Variants in GEMIN4 observed in about 807,000 individuals in gnomAD.
GEMIN4 encodes the protein gem-associated protein 4.
A neutral mutation model predicts 76.8 loss-of-function variants in GEMIN4; 59 were observed. The ratio of observed to expected loss-of-function variants is 0.77; its 90% CI spans 0.62 to 0.95. The LOEUF (loss-of-function observed/expected upper bound fraction) is 0.95. Among genes scored for constraint, GEMIN4 ranks in the 40% least tolerant of loss-of-function variants. The pLI is 0.00. For missense variants in GEMIN4, 1,311 were observed against 1,318.9 expected, an observed-to-expected ratio of 0.99 and a Z score of 0.09; for synonymous variants, 562 against 559.7, an observed-to-expected ratio of 1.00 and a Z score of -0.06.
chr17:752,562 G>A, upstream of GEMIN4: 1 of 656,146 alleles, frequency 1.5e-6, no homozygotes, highest in Non-Finnish European at 2.0e-6. Context: ...CCACCACCCA[G>A]CGCGGCCGCA....
Position 746,964 on chromosome 17 carries a change from G to A in GEMIN4, c.1079C>T (p.Thr360Met), listed in dbSNP as rs771449444. ...DSLTSFSQNA[T>M]LYLNRTSLSK... ...CAGGCTGGTGCGGTTCAGGTAGAGCGTCGCGTTCTGGCTGAAGGAAGTCAG... is the reference window on the plus strand; with the variant it reads ...CAGGCTGGTGCGGTTCAGGTAGAGCATCGCGTTCTGGCTGAAGGAAGTCAG... The change falls in exon 2 of 2, where the codon ACG becomes ATG. Residue 360 changes from threonine to methionine, a missense_variant. This residue lies in a region of GEMIN4 where 1,208 missense variants were observed against 1,166.9 expected (regional missense o/e 1.04). Transcript: ENST00000319004. This position sits in a 1 kb window ranked among gnomAD's most constrained non-coding sequence, Gnocchi z 4.3. 6.2e-6 allele frequency: 10 copies of A among 1,613,202 alleles called. No individual in the cohort carries two copies. Among genetic ancestry groups the A allele is most frequent in the South Asian group, 2.2e-5 (2 of 91,082 alleles).
upstream of GEMIN4, chr17:754,132 T>C (rs968535739): frequency 2.0e-5 from 3 of 152,278 alleles, no homozygotes; most frequent in Admixed American, 1.3e-4. Context: ...TATTCTGTAC[T>C]TAACCCTGGT....
At position 745,646 on chromosome 17, in the gene GEMIN4, G is replaced by A. The variant is rs371532878; in HGVS notation, c.2397C>T (p.Asp799=). ...TLFEICKLSE[D]EWTSQAHPGY... ...CTGGGTGGGCCTGGGAGGTCCACTC[G>A]TCTTCTGAAAGCTTACAGATCTCAA... The change falls in exon 2 of 2, where the codon GAC becomes GAT. Residue 799 remains aspartate, a synonymous_variant. Coordinates refer to ENST00000319004, the MANE Select transcript of GEMIN4 (RefSeq NM_015721.3). The surrounding 1 kb of genome is among the most constrained non-coding windows in gnomAD (Gnocchi z 4.6). The A allele has an allele frequency of 3.8e-5, 61 of 1,599,228 alleles. No individual in the cohort carries two copies. Among genetic ancestry groups the A allele is most frequent in the East Asian group, 1.1e-4 (5 of 44,206 alleles).
chr17:745,045 G>A lies in GEMIN4; in HGVS notation c.2998C>T (p.Pro1000Ser), dbSNP rs563699075. ...GTTTCCAAGGCTAAAACGTAGAGTGGCTCACAGACCTCCGGGTGGAGCATG... is the reference window on the plus strand; with the variant it reads ...GTTTCCAAGGCTAAAACGTAGAGTGACTCACAGACCTCCGGGTGGAGCATG... The part of the protein sequence containing the change: ...MAMLHPEVCE[P>S]LYVLALETLT... The change falls in exon 2 of 2, where the codon CCA becomes TCA. Residue 1000 changes from proline to serine, a missense_variant. Around this residue, in one of 2 missense-constraint regions of GEMIN4, gnomAD observed 1,208 missense variants for 1,166.9 expected, o/e 1.04. Transcript: ENST00000319004. The surrounding 1 kb of genome is among the most constrained non-coding windows in gnomAD (Gnocchi z 4.6). 1 of 1,613,832 alleles carries A rather than the reference G, an allele frequency of 6.2e-7. No homozygotes were observed. Among genetic ancestry groups the A allele is most frequent in the South Asian group, 1.1e-5 (1 of 91,072 alleles).
chr17:746,738 G>GTAGCCAC lies in GEMIN4; in HGVS notation c.1304_1305insGTGGCTA (p.Asp435GlufsTer12). 6.2e-7 allele frequency: 1 copy of GTAGCCAC among 1,613,552 alleles called. No individual in the cohort carries two copies. Among genetic ancestry groups the GTAGCCAC allele is most frequent in the Non-Finnish European group, 8.5e-7 (1 of 1,179,794 alleles). On this transcript the variant is annotated frameshift_variant, in exon 2 of 2. Transcript: ENST00000319004. LOFTEE classifies it high-confidence loss of function. The surrounding 1 kb of genome is among the most constrained non-coding windows in gnomAD (Gnocchi z 4.3). ...TACTCCCCAGGCAGGCTACCCACTC[G>GTAGCCAC]TCCGAGAAGGCCCACTTCTTCTCAG... is the stretch of plus-strand genomic sequence containing the variant.
chr17:749,665 G>C, intron 1 of GEMIN4: 1 of 264,608 alleles, frequency 3.8e-6, no homozygotes, highest in South Asian at 6.6e-5. Flanking sequence ...AGGGTAATGG[G>C]CACAGCAGCA....
Position 745,374 on chromosome 17 carries a change from C to T in GEMIN4, c.2669G>A (p.Ser890Asn), listed in dbSNP as rs1853880196. ...GGGAACAAACTGAATATATTCCAGG[C>T]TATAAGGGACATGGAGGAGCTGCTT... ...LEKQLLHVPY[S>N]LEYIQFVPLL... Residue 890 changes from serine (S) to asparagine (N), a missense_variant, in exon 2 of 2, where the codon AGC becomes AAC. Transcript: ENST00000319004. This position sits in a 1 kb window ranked among gnomAD's most constrained non-coding sequence, Gnocchi z 4.6. The T allele has an allele frequency of 1.9e-6, 3 of 1,613,126 alleles. No homozygotes were observed. The highest frequency in any genetic ancestry group is 2.5e-6 in the Non-Finnish European group (3 of 1,179,866).
intron 1 of GEMIN4, chr17:751,847 A>T (rs1020770593): frequency 8.1e-6 from 3 of 368,934 alleles, no homozygotes; most frequent in Non-Finnish European, 9.6e-6. Flanking sequence ...CGTTTCCCAA[A>T]GCACGTGCGC....
chr17:747,809 C>T lies in GEMIN4; in HGVS notation c.234G>A (p.Leu78=). The change falls in exon 2 of 2, where the codon CTG becomes CTA. Residue 78 remains leucine, a synonymous_variant. Transcript: ENST00000319004. ...KALIIIWAKV[L]QPHPVTPSDT... is the part of the protein sequence containing the mutation. Reference sequence around the variant, plus strand: ...CGGACGGGGTCACGGGGTGCGGCTGCAGAACCTTGGCCCAGATGATGATCA... The same window carrying T: ...CGGACGGGGTCACGGGGTGCGGCTGTAGAACCTTGGCCCAGATGATGATCA... The T allele has an allele frequency of 6.2e-7, 1 of 1,613,394 alleles. No homozygotes were observed. Among genetic ancestry groups the T allele is most frequent in the Non-Finnish European group, 8.5e-7 (1 of 1,179,736 alleles).
Position 745,792 on chromosome 17 carries a change from C to T in GEMIN4, c.2251G>A (p.Val751Ile). ...AGCCAGGACAGGGACTTGATCCAGA[C>T]ATCCGGGGAGAAGGTCTCAGCATTG... Reference protein sequence around the residue: ...SANAETFSPDVWIKSLSWLHR... With the variant: ...SANAETFSPDIWIKSLSWLHR... The change falls in exon 2 of 2, where the codon GTC becomes ATC. Residue 751 changes from valine (V) to isoleucine (I), a missense_variant. Transcript: ENST00000319004. This position sits in a 1 kb window ranked among gnomAD's most constrained non-coding sequence, Gnocchi z 4.6. The T allele has an allele frequency of 6.2e-7, 1 of 1,612,676 alleles. No individual in the cohort carries two copies. Among genetic ancestry groups the T allele is most frequent in the East Asian group, 2.2e-5 (1 of 44,858 alleles).
chr17:746,211 A>G lies in GEMIN4; in HGVS notation c.1832T>C (p.Val611Ala). The G allele has an allele frequency of 1.2e-6, 2 of 1,613,726 alleles. No homozygotes were observed. Among genetic ancestry groups the G allele is most frequent in the African/African-American group, 2.7e-5 (2 of 74,990 alleles). The change falls in exon 2 of 2, where the codon GTC becomes GCC. Residue 611 changes from valine to alanine, a missense_variant. Physicochemically the swap from Val to Ala is moderately conservative, Grantham distance 64 (BLOSUM62 0). Around this residue, in one of 2 missense-constraint regions of GEMIN4, gnomAD observed 1,208 missense variants for 1,166.9 expected, o/e 1.04. Transcript: ENST00000319004. The surrounding 1 kb of genome is among the most constrained non-coding windows in gnomAD (Gnocchi z 4.3). ...TFMVSCLKET[V>A]WMKFSTPKEE... is the part of the protein sequence containing the mutation. The stretch of plus-strand genomic sequence containing the variant: ...CTTGGGTGTAGAGAACTTCATCCAG[A>G]CGGTTTCTTTGAGGCATGACACCAT...
chr17:747,914 T>G lies in GEMIN4; in HGVS notation c.129A>C (p.Gly43=), dbSNP rs1226700519. Residue 43 remains glycine, a synonymous_variant, in exon 2 of 2, where the codon GGA becomes GGC. Transcript: ENST00000319004. ...ELTKSDWERV[G]RPIVEALREI... ...CCCTTAAGGCCTCCACGATGGGCCG[T>G]CCAACACGTTCCCAGTCAGACTTTG... 6.2e-7 allele frequency: 1 copy of G among 1,613,880 alleles called. No individual in the cohort carries two copies. The highest frequency in any genetic ancestry group is 1.1e-5 in the South Asian group (1 of 91,046).
chr17:752,255 T>C lies in GEMIN4; in HGVS notation c.-113A>G, dbSNP rs905195146. The C allele has an allele frequency of 1.3e-4, 163 of 1,227,176 alleles. No individual in the cohort carries two copies. Among genetic ancestry groups the C allele is most frequent in the Non-Finnish European group, 1.6e-4 (155 of 985,010 alleles). The allele number at this position is 1,227,176 out of a possible 1,614,324, so 76.0% of individuals were successfully genotyped here. On this transcript the variant is annotated 5_prime_UTR_variant, in exon 1 of 2. Transcript: ENST00000319004. ...ACGCAGGAGCCACGGCGGCCGCGCT[T>C]AGGCCTGCTCACAACCTCCGCCCGG...
chr17:745,843 C>G lies in GEMIN4; in HGVS notation c.2200G>C (p.Glu734Gln), dbSNP rs775770182. The part of the protein sequence containing the change: ...DRKDLAIHIL[E>Q]LLCEIVSANA... ...GCTGATACAATCTCACACAGGAGCT[C>G]CAGGATATGGATCGCTAGATCCTTC... Residue 734 changes from glutamate to glutamine, a missense_variant, in exon 2 of 2, where the codon GAG (glutamate) becomes CAG (glutamine). Around this residue, in one of 2 missense-constraint regions of GEMIN4, gnomAD observed 1,208 missense variants for 1,166.9 expected, o/e 1.04. Coordinates refer to ENST00000319004, the MANE Select transcript of GEMIN4 (RefSeq NM_015721.3). This position sits in a 1 kb window ranked among gnomAD's most constrained non-coding sequence, Gnocchi z 4.6. 1 of 1,612,980 alleles carries G rather than the reference C, an allele frequency of 6.2e-7. No homozygotes were observed. The highest frequency in any genetic ancestry group is 8.5e-7 in the Non-Finnish European group (1 of 1,179,816).
At chr17:752,012 G>A (rs758708295) in intron 1 of GEMIN4, 121 bp downstream of exon 1, 1 of 682,070 alleles carries the variant, frequency 1.5e-6, no homozygotes, top group South Asian at 7.4e-5. Flanking sequence ...GCCCCGACGC[G>A]GGGGACGTTT....
chr17:753,447 G>C (rs1484320314), upstream of GEMIN4: 3 of 159,444 alleles, frequency 1.9e-5, no homozygotes, highest in African/African-American at 7.2e-5. Flanking sequence ...GTCCAAGATG[G>C]ACGCCATGAG....
chr17:746,901 T>A lies in GEMIN4; in HGVS notation c.1142A>T (p.Glu381Val). The change falls in exon 2 of 2, where the codon GAG becomes GTG. Residue 381 changes from glutamate (E) to valine (V), a missense_variant. Coordinates refer to ENST00000319004, the MANE Select transcript of GEMIN4 (RefSeq NM_015721.3). This position sits in a 1 kb window ranked among gnomAD's most constrained non-coding sequence, Gnocchi z 4.3. ...EDRQVVSELA[E>V]CVRDFLRKTS... ...TTTCCTCAGGAAGTCCCTGACACACTCCGCCAGCTCAGAGACCACCTGCCT... is the reference window on the plus strand; with the variant it reads ...TTTCCTCAGGAAGTCCCTGACACACACCGCCAGCTCAGAGACCACCTGCCT... 2 of 1,613,572 alleles carry A rather than the reference T, an allele frequency of 1.2e-6. No individual in the cohort carries two copies. Among genetic ancestry groups the A allele is most frequent in the South Asian group, 2.2e-5 (2 of 91,068 alleles).
rs950579383 is a variant in GEMIN4 at position 747,026 on chromosome 17, C to T, written c.1017G>A (p.Gln339=). The change falls in exon 2 of 2, where the codon CAG becomes CAA. Residue 339 remains glutamine (Q), a synonymous_variant. Coordinates refer to ENST00000319004, the MANE Select transcript of GEMIN4 (RefSeq NM_015721.3). ...GCCGGTAGCTGTCGTAACTTGTCCCCTGGCTGCTGCGGAGCACGGCCTGCA... is the reference window on the plus strand; with the variant it reads ...GCCGGTAGCTGTCGTAACTTGTCCCTTGGCTGCTGCGGAGCACGGCCTGCA... ...EELQAVLRSS[Q]GTSYDSYRLC... 2.5e-6 allele frequency: 4 copies of T among 1,613,296 alleles called. No homozygotes were observed. The African/African-American group carries it at 5.3e-5, about 22-fold the overall frequency.
rs757497744 is a variant in GEMIN4 at position 746,841 on chromosome 17, T to C, written c.1202A>G (p.Asp401Gly). 4 of 1,613,594 alleles carry C rather than the reference T, an allele frequency of 2.5e-6. No individual in the cohort carries two copies. Among genetic ancestry groups the C allele is most frequent in the South Asian group, 1.1e-5 (1 of 91,068 alleles). Residue 401 changes from aspartate (D) to glycine (G), a missense_variant, in exon 2 of 2, where the codon GAT becomes GGT. Asp to Gly is a moderately conservative substitution (Grantham distance 94, BLOSUM62 -1). This residue lies in a region of GEMIN4 where 1,208 missense variants were observed against 1,166.9 expected (regional missense o/e 1.04). Coordinates refer to ENST00000319004, the MANE Select transcript of GEMIN4 (RefSeq NM_015721.3). This position sits in a 1 kb window ranked among gnomAD's most constrained non-coding sequence, Gnocchi z 4.3. Reference protein sequence around the residue: ...STVLKNRALEDITASIAMAVI... With the variant: ...STVLKNRALEGITASIAMAVI... ...GGCCATGGCAATGGAAGCTGTGATA[T>C]CCTCCAAGGCCCTGTTCTTCAGCAC...
Sources: gnomAD v4.1 joint callset for allele counts on GRCh38, gnomAD v4.1.1 for gene constraint, gnomAD v4.1.1 regional missense constraint, Gnocchi (gnomAD v3.1) non-coding constraint, MANE v1.5 for transcripts, NCBI Gene and HGNC (gene_info 2026-07-23, HGNC 2026-07-21) for gene names.